The following PSMD14 variants were observed in gnomAD, a reference collection of about 807,000 sequenced individuals.
PSMD14 encodes the protein ubiquitin C-terminal hydrolase PSMD14.
PSMD14 carries 7 observed loss-of-function variants against 41.2 expected under a neutral mutation model. The ratio of observed to expected loss-of-function variants is 0.17; its 90% CI spans 0.10 to 0.32. The LOEUF is 0.32. PSMD14 is among the 10% of genes least tolerant of loss of function. The pLI is 1.00. For synonymous variants in PSMD14, 114 were observed against 122.3 expected (o/e 0.93, Z 0.45); for missense variants, 139 against 375.6 (o/e 0.37, Z 5.21).
chr2:161,319,458 C>T (rs747127129), intron 3 of PSMD14, among the ~76,000 whole-genome samples: 10 of 151,796 alleles, frequency 6.6e-5, no homozygotes, highest in Admixed American at 3.3e-4. Context: ...GGCAAATGAC[C>T]TCTAGATTTC....
At chr2:161,338,900 A>G (rs73971185) in intron 3 of PSMD14, among the ~76,000 whole-genome samples, 4,895 of 152,292 alleles carry the variant, frequency 0.032, 258 homozygotes, top group African/African-American at 0.11. Context: ...GTGGGATCAT[A>G]TAATAGGAAC....
chr2:161,365,025 G>GAA (rs1253381807), intron 3 of PSMD14, among the ~76,000 whole-genome samples: 1 of 152,090 alleles, frequency 6.6e-6, no homozygotes, highest in Non-Finnish European at 1.5e-5. Context: ...AGAGACGCTG[G>GAA]AACCCAGGAG....
At chr2:161,360,779 G>T (rs183202139) in intron 3 of PSMD14, among the ~76,000 whole-genome samples, 69 of 152,098 alleles carry the variant, frequency 4.5e-4, no homozygotes, top group Admixed American at 2.3e-3. Context: ...CTCATGATCC[G>T]CCTGCCTTGG....
chr2:161,366,886 T>C (rs1251003678), intron 3 of PSMD14, among the ~76,000 whole-genome samples: 1 of 152,212 alleles, frequency 6.6e-6, no homozygotes, highest in African/African-American at 2.4e-5. Flanking sequence ...GGAAGTATTT[T>C]CACGTCAGCT....
intron 3 of PSMD14, among the ~76,000 whole-genome samples, chr2:161,338,870 A>G (rs1559041746): frequency 6.6e-6 from 1 of 152,008 alleles, no homozygotes; most frequent in Non-Finnish European, 1.5e-5. Flanking sequence ...ATTAGTTTGC[A>G]TTTTCTAGCA....
chr2:161,387,302 A>G (rs1683646564), intron 8 of PSMD14, among the ~76,000 whole-genome samples: 1 of 151,982 alleles, frequency 6.6e-6, no homozygotes, highest in African/African-American at 2.4e-5. Flanking sequence ...GCCTGAAGGG[A>G]ATGGTAATAT....
At chr2:161,378,695 T>C (rs1350768987) in intron 7 of PSMD14, among the ~76,000 whole-genome samples, 1 of 151,986 alleles carries the variant, frequency 6.6e-6, no homozygotes, top group Admixed American at 6.6e-5. Flanking sequence ...TGAAGAGTAC[T>C]GGCTTTGGCA....
chr2:161,378,609 T>C (rs543794315), intron 7 of PSMD14, among the ~76,000 whole-genome samples: 62 of 152,120 alleles, frequency 4.1e-4, no homozygotes, highest in African/African-American at 1.4e-3. Context: ...ACCTTGCTGT[T>C]GAGTATAACT....
chr2:161,407,891 C>G (rs1559057162), intron 10 of PSMD14: 3 of 151,940 alleles, frequency 2.0e-5, no homozygotes, highest in Admixed American at 2.0e-4. Context: ...TAAAAGTTCA[C>G]CTGATACAGA....
intron 3 of PSMD14, among the ~76,000 whole-genome samples, chr2:161,361,798 A>C (rs1683292331): frequency 6.6e-6 from 1 of 152,132 alleles, no homozygotes; most frequent in South Asian, 2.1e-4. Context: ...CTCATTGACA[A>C]ATTTTGCTCA....
At chr2:161,383,044 G>A (rs1211320022) in intron 7 of PSMD14, 3 of 150,026 alleles carry the variant, frequency 2.0e-5, no homozygotes, top group African/African-American at 4.9e-5. Flanking sequence ...GCTCACTAGG[G>A]CTTTTTTTTT....
At chr2:161,379,323 C>G (rs909349026) in intron 7 of PSMD14, among the ~76,000 whole-genome samples, 3 of 151,930 alleles carry the variant, frequency 2.0e-5, no homozygotes, top group Admixed American at 6.6e-5. Flanking sequence ...ATTTTAAGCT[C>G]ACTGTTTATT....
chr2:161,398,648 C>CT (rs35590291), intron 10 of PSMD14, among the ~76,000 whole-genome samples: 2 of 151,622 alleles, frequency 1.3e-5, no homozygotes, highest in East Asian at 1.9e-4. Context: ...AAAAATTTGC[C>CT]TTTTTTTTCC....
chr2:161,328,495 A>G (rs1319095487), intron 3 of PSMD14, among the ~76,000 whole-genome samples: 2 of 152,164 alleles, frequency 1.3e-5, no homozygotes, highest in African/African-American at 2.4e-5. Context: ...CAGAAGCAGT[A>G]TCTAGTACAA....
At chr2:161,358,087 A>G (rs755185606) in intron 3 of PSMD14, among the ~76,000 whole-genome samples, 2 of 152,074 alleles carry the variant, frequency 1.3e-5, no homozygotes, top group African/African-American at 2.4e-5. Context: ...TAAAAATTCA[A>G]AAAGTATTTG....
At chr2:161,309,918 G>T (rs1689069182) in intron 1 of PSMD14, among the ~76,000 whole-genome samples, 2 of 152,080 alleles carry the variant, frequency 1.3e-5, no homozygotes, top group Admixed American at 1.3e-4. Context: ...CACTTTGGGA[G>T]GCTGAGGTGG....
intron 2 of PSMD14, among the ~76,000 whole-genome samples, chr2:161,318,096 A>G (rs1335438453): frequency 2.0e-5 from 3 of 152,288 alleles, no homozygotes; most frequent in South Asian, 2.1e-4. Context: ...TAGTAAATCC[A>G]CTTTGTATTG....
intron 7 of PSMD14, among the ~76,000 whole-genome samples, chr2:161,372,114 A>C (rs995965089): frequency 6.6e-6 from 1 of 151,946 alleles, no homozygotes; most frequent in Non-Finnish European, 1.5e-5. Context: ...CCACAGGGAG[A>C]GTGGATTAGA....
intron 3 of PSMD14, among the ~76,000 whole-genome samples, chr2:161,346,650 T>C (rs184112844): frequency 6.6e-6 from 1 of 151,478 alleles, no homozygotes; most frequent in Admixed American, 6.6e-5. Flanking sequence ...GGAAACTGTT[T>C]GATTCTTTCT....
Sources: gnomAD v4.1 joint callset for allele counts (sites outside exome capture counted in the v4.1 genomes callset) on GRCh38, gnomAD v4.1.1 for gene constraint, MANE v1.5 for transcripts, NCBI Gene and HGNC (gene_info 2026-07-23, HGNC 2026-07-21) for gene names.